LIPA: variants seen among roughly 807,000 people sequenced by gnomAD.
The protein encoded by LIPA is lipase A, lysosomal acid type, also known as lysosomal acid lipase/cholesteryl ester hydrolase.
Under a neutral mutation model 40.6 loss-of-function variants are expected in LIPA, and 26 were observed. The ratio of observed to expected loss-of-function variants is 0.64; its 90% confidence interval spans 0.47 to 0.89. LIPA has a LOEUF of 0.89. LIPA is among the 40% of genes least tolerant of loss of function. The pLI is 0.00. For synonymous variants in LIPA, 188 were observed against 168.4 expected (o/e 1.12, Z -0.90); for missense variants, 455 against 479.6 (o/e 0.95, Z 0.48).
intron 1 of LIPA, among the ~76,000 whole-genome samples, chr10:89,316,864 C>G (rs573322887): frequency 2.0e-5 from 3 of 152,346 alleles, no homozygotes; most frequent in African/African-American, 7.2e-5. Flanking sequence ...CAGAGTGCAC[C>G]TCTGCGATGA....
intron 2 of LIPA, among the ~76,000 whole-genome samples, chr10:89,382,450 A>G (rs1332338): frequency 0.034 from 5,167 of 152,264 alleles, 300 homozygotes; most frequent in African/African-American, 0.12. Context: ...AGCGTGAACT[A>G]TTGGGGAAAA....
chr10:89,340,203 G>T, intron 1 of LIPA: 4 of 1,469,484 alleles, frequency 2.7e-6, no homozygotes, highest in Non-Finnish European at 3.6e-6. Flanking sequence ...AAGACAGGGG[G>T]CCCCAACCTG....
chr10:89,244,610 AT>A (rs1444883774), intron 3 of LIPA, among the ~76,000 whole-genome samples: 6 of 152,182 alleles, frequency 3.9e-5, no homozygotes, highest in African/African-American at 1.4e-4. Context: ...AATAAGCTAC[AT>A]CTGGAGAGAT....
chr10:89,309,892 T>A (rs1298121176), intron 1 of LIPA, among the ~76,000 whole-genome samples: 1 of 152,184 alleles, frequency 6.6e-6, no homozygotes, highest in Non-Finnish European at 1.5e-5. Flanking sequence ...GGGCAGGACA[T>A]TTGACTCCCT....
intron 2 of LIPA, among the ~76,000 whole-genome samples, chr10:89,389,275 C>A (rs1564805732): frequency 6.6e-6 from 1 of 152,090 alleles, no homozygotes; most frequent in Non-Finnish European, 1.5e-5. Context: ...ATGGATTGAT[C>A]GATTCAGTCA....
In LIPA at chr10:89,214,769, A is replaced by G; in HGVS notation, c.*59T>C. 9.3e-7 allele frequency: 1 copy of G among 1,070,882 alleles called. No homozygotes were observed. Among genetic ancestry groups the G allele is most frequent in the Non-Finnish European group, 1.4e-6 (1 of 693,802 alleles). 66.3% of individuals were successfully genotyped at this position (1,070,882 alleles called of 1,614,324 possible). A position where few individuals can be genotyped will look rare whatever the true frequency, so the allele number is the denominator to read the frequency against. On this transcript the variant is annotated 3_prime_UTR_variant, in exon 10 of 10. Transcript: ENST00000336233. ...AACAAGTGTTTTACAGAAATGAAGCAAACACATTTTCACATGACATAATCA... is the reference window on the plus strand; with the variant it reads ...AACAAGTGTTTTACAGAAATGAAGCGAACACATTTTCACATGACATAATCA...
chr10:89,286,035 C>A (rs143847443), intron 1 of LIPA, among the ~76,000 whole-genome samples: 1 of 152,148 alleles, frequency 6.6e-6, no homozygotes, highest in East Asian at 1.9e-4. Context: ...TGCCACTTAA[C>A]CCCAATACAA....
At chr10:89,362,946 A>G in intron 2 of LIPA, 1 of 269,870 alleles carries the variant, frequency 3.7e-6, no homozygotes, top group South Asian at 8.4e-5. Flanking sequence ...TCTAAATCCA[A>G]AAGATGCACA....
chr10:89,412,746 A>G (rs1170881340), intron 2 of LIPA: 2 of 439,744 alleles, frequency 4.5e-6, no homozygotes, highest in Non-Finnish European at 9.0e-6. Context: ...CTCACTGTGA[A>G]GGTCTGCAGC....
intron 1 of LIPA, among the ~76,000 whole-genome samples, chr10:89,334,283 C>A (rs1469855736): frequency 6.6e-6 from 1 of 152,028 alleles, no homozygotes; most frequent in Non-Finnish European, 1.5e-5. Flanking sequence ...GGACTAGCAG[C>A]ACTAGCTTTA....
intron 3 of LIPA, among the ~76,000 whole-genome samples, chr10:89,229,998 C>T (rs1004001534): frequency 2.6e-5 from 4 of 152,044 alleles, no homozygotes; most frequent in Admixed American, 1.3e-4. Flanking sequence ...GATAAAAAGG[C>T]TCACACACAC....
chr10:89,310,377 G>A (rs567346583), intron 1 of LIPA, among the ~76,000 whole-genome samples: 1 of 152,222 alleles, frequency 6.6e-6, no homozygotes, highest in African/African-American at 2.4e-5. Context: ...CTGGAAGACT[G>A]GAAGCATTAG....
At position 89,225,157 on chromosome 10, in the gene LIPA, C is replaced by A. The variant is rs748621450; in HGVS notation, c.610G>T (p.Ala204Ser). ...IKMFFALGPV[A>S]SVAFCTSPMA... Reference sequence around the variant, plus strand: ...GGGCTAGTACAGAAGGCGACGGAAGCCACAGGACCCAGGGCAAAAAACATT... The same window carrying A: ...GGGCTAGTACAGAAGGCGACGGAAGACACAGGACCCAGGGCAAAAAACATT... Residue 204 changes from alanine to serine, a missense_variant, in exon 6 of 10, where the codon GCT becomes TCT. Ala to Ser is a moderately conservative substitution (Grantham distance 99). Transcript: ENST00000336233. 1.2e-6 allele frequency: 2 copies of A among 1,614,048 alleles called. No homozygotes were observed. Among genetic ancestry groups the A allele is most frequent in the Admixed American group, 1.7e-5 (1 of 60,008 alleles).
intron 3 of LIPA, among the ~76,000 whole-genome samples, chr10:89,231,495 G>A (rs1038626405): frequency 1.3e-5 from 2 of 150,518 alleles, no homozygotes; most frequent in African/African-American, 4.9e-5. Flanking sequence ...TTTTTTAAGA[G>A]AGAAAAGGTC....
At chr10:89,382,748 T>C (rs1844172971) in intron 2 of LIPA, among the ~76,000 whole-genome samples, 1 of 152,256 alleles carries the variant, frequency 6.6e-6, no homozygotes, top group Non-Finnish European at 1.5e-5. Context: ...GTTGAGTAAG[T>C]GCACACAGGC....
At chr10:89,325,500 T>C (rs569561460) in intron 1 of LIPA, among the ~76,000 whole-genome samples, 9 of 152,236 alleles carry the variant, frequency 5.9e-5, no homozygotes, top group Middle Eastern at 6.8e-3. Flanking sequence ...ATAAGGGAAA[T>C]GTGGTACATA....
chr10:89,384,112 G>A (rs755350618), intron 2 of LIPA: 1 of 1,614,210 alleles, frequency 6.2e-7, no homozygotes. Context: ...AAAAGGGTCT[G>A]TGGATAAAGC....
At chr10:89,220,728 A>C (rs1289407422) in intron 8 of LIPA, among the ~76,000 whole-genome samples, 1 of 152,178 alleles carries the variant, frequency 6.6e-6, no homozygotes, top group East Asian at 1.9e-4. Flanking sequence ...CTTAGAGACG[A>C]GCCCCAGGGA....
intron 2 of LIPA, among the ~76,000 whole-genome samples, chr10:89,375,583 G>A (rs893071857): frequency 1.3e-5 from 2 of 152,096 alleles, no homozygotes; most frequent in African/African-American, 4.8e-5. Flanking sequence ...GGTGTAGAAG[G>A]TTTTTTCTAA....
Sources: gnomAD v4.1 joint callset for allele counts (sites outside exome capture counted in the v4.1 genomes callset) on GRCh38, gnomAD v4.1.1 for gene constraint, MANE v1.5 for transcripts, NCBI Gene and HGNC (gene_info 2026-07-23, HGNC 2026-07-21) for gene names.